The following DCHS2 variants were observed in gnomAD, a reference collection of about 807,000 sequenced individuals.
The protein encoded by DCHS2 is dachsous cadherin-related 2, also known as protocadherin-23.
In DCHS2, 142 loss-of-function variants were observed where a neutral mutation model predicts 182.4. That is an observed-to-expected ratio of 0.78 (90% confidence interval 0.68 to 0.89). The LOEUF (loss-of-function observed/expected upper bound fraction) is 0.89, where lower values mean the gene tolerates loss of function less well. Ranked by LOEUF, DCHS2 falls within the 40% of genes least tolerant of loss-of-function variation. The pLI is 0.00. For synonymous variants in DCHS2, 1,740 were observed against 1,663.3 expected (o/e 1.05, Z -1.12); for missense variants, 4,319 against 4,198.6 (o/e 1.03, Z -0.79).
intron 3 of DCHS2, among the ~76,000 whole-genome samples, chr4:154,353,855 T>C (rs1729733475): frequency 6.6e-6 from 1 of 152,230 alleles, no homozygotes; most frequent in Non-Finnish European, 1.5e-5. Context: ...TGGGAAAGGA[T>C]CTAAGAATTG....
chr4:154,454,637 A>G (rs1734687250), intron 1 of DCHS2, among the ~76,000 whole-genome samples: 2 of 151,832 alleles, frequency 1.3e-5, no homozygotes, highest in Admixed American at 6.6e-5. Context: ...GCTGCCTATG[A>G]CCCCCCTCCC....
chr4:154,310,350 C>T (rs970286170), intron 10 of DCHS2, among the ~76,000 whole-genome samples: 1 of 152,018 alleles, frequency 6.6e-6, no homozygotes, highest in Non-Finnish European at 1.5e-5. Flanking sequence ...ATGTGTTAGC[C>T]CATAGAGCTG....
chr4:154,458,872 C>CTCAGGTGCA (rs1353837539), intron 1 of DCHS2, among the ~76,000 whole-genome samples: 1 of 152,072 alleles, frequency 6.6e-6, no homozygotes, highest in African/African-American at 2.4e-5. Flanking sequence ...CACAAATATT[C>CTCAGGTGCA]CACAGATGCA....
chr4:154,348,486 T>A (rs970795519), intron 3 of DCHS2, among the ~76,000 whole-genome samples: 4 of 151,950 alleles, frequency 2.6e-5, no homozygotes, highest in African/African-American at 7.3e-5. Context: ...TTATGTCCAC[T>A]TGGATCCTCA....
At chr4:154,480,335 A>G (rs1735872519) in intron 1 of DCHS2, among the ~76,000 whole-genome samples, 3 of 152,270 alleles carry the variant, frequency 2.0e-5, no homozygotes, top group Admixed American at 1.3e-4. Flanking sequence ...AATGAAGAAC[A>G]AAGGAAATTT....
At chr4:154,256,788 C>T (rs1000173742) in intron 15 of DCHS2, among the ~76,000 whole-genome samples, 1 of 152,060 alleles carries the variant, frequency 6.6e-6, no homozygotes, top group African/African-American at 2.4e-5. Context: ...TAATTTCCTA[C>T]CATCTCAATT....
intron 1 of DCHS2, among the ~76,000 whole-genome samples, chr4:154,479,107 T>C (rs575313827): frequency 2.4e-4 from 37 of 152,192 alleles, no homozygotes; most frequent in African/African-American, 8.7e-4. Flanking sequence ...AAAAGATAGA[T>C]AATATCAGCA....
intron 2 of DCHS2, among the ~76,000 whole-genome samples, chr4:154,377,013 C>G (rs1730932110): frequency 6.6e-6 from 1 of 152,062 alleles, no homozygotes; most frequent in Non-Finnish European, 1.5e-5. Context: ...ATCATTAAAG[C>G]ATTATTGTTA....
chr4:154,249,504 A>G (rs1303763831), intron 16 of DCHS2, among the ~76,000 whole-genome samples: 2 of 152,202 alleles, frequency 1.3e-5, no homozygotes, highest in African/African-American at 4.8e-5. Context: ...TGTGGAAAGC[A>G]GTTTGGAGAT....
intron 3 of DCHS2, among the ~76,000 whole-genome samples, chr4:154,365,358 A>G (rs1288628923): frequency 6.6e-6 from 1 of 152,200 alleles, no homozygotes; most frequent in African/African-American, 2.4e-5. Flanking sequence ...ATGATCATAC[A>G]AATAAGGGGA....
intron 14 of DCHS2, among the ~76,000 whole-genome samples, chr4:154,267,358 T>C (rs1049318440): frequency 1.3e-5 from 2 of 152,214 alleles, no homozygotes; most frequent in African/African-American, 4.8e-5. Flanking sequence ...ATTTTCATTT[T>C]CATAGCAAGA....
chr4:154,274,282 C>T (rs533898884), intron 13 of DCHS2, among the ~76,000 whole-genome samples: 2 of 152,178 alleles, frequency 1.3e-5, no homozygotes, highest in East Asian at 1.9e-4. Context: ...GGGGAAAAAC[C>T]CCACTATATT....
intron 3 of DCHS2, among the ~76,000 whole-genome samples, chr4:154,342,991 G>A (rs558469650): frequency 6.6e-6 from 1 of 152,306 alleles, no homozygotes; most frequent in East Asian, 1.9e-4. Context: ...ATGGATTGCA[G>A]AATGAATCTT....
chr4:154,468,171 G>T (rs1037523976), intron 1 of DCHS2, among the ~76,000 whole-genome samples: 4 of 151,976 alleles, frequency 2.6e-5, no homozygotes, highest in Non-Finnish European at 4.4e-5. Context: ...TGACTAGAGA[G>T]TTTTATTGCA....
At chr4:154,376,812 C>T (rs146522866) in intron 2 of DCHS2, among the ~76,000 whole-genome samples, 28 of 152,198 alleles carry the variant, frequency 1.8e-4, no homozygotes, top group Non-Finnish European at 2.8e-4. Context: ...GAAAATCTAC[C>T]GGACAAATGA....
chr4:154,357,684 C>T, intron 3 of DCHS2, among the ~76,000 whole-genome samples: 1 of 152,150 alleles, frequency 6.6e-6, no homozygotes, highest in East Asian at 1.9e-4. Flanking sequence ...TACCTACAAA[C>T]TGTCTTGGTA....
intron 13 of DCHS2, among the ~76,000 whole-genome samples, chr4:154,279,101 T>C (rs1276374651): frequency 1.3e-5 from 2 of 152,116 alleles, no homozygotes; most frequent in African/African-American, 2.4e-5. Flanking sequence ...ATTGATAATA[T>C]AGAATGTGTT....
At chr4:154,292,088 C>A (rs1734694032) in intron 13 of DCHS2, among the ~76,000 whole-genome samples, 1 of 151,998 alleles carries the variant, frequency 6.6e-6, no homozygotes, top group Admixed American at 6.6e-5. Flanking sequence ...CTACTACATA[C>A]CTGCATAAAT....
At chr4:154,293,305 C>A (rs28663467) in intron 13 of DCHS2, among the ~76,000 whole-genome samples, 11,697 of 151,886 alleles carry the variant, frequency 0.077, 1,139 homozygotes, top group African/African-American at 0.23. Context: ...CAGGTTCAAG[C>A]GATTCTCCCG....
Sources: allele counts gnomAD v4.1 joint callset (sites outside exome capture counted in the v4.1 genomes callset), GRCh38; gene constraint gnomAD v4.1.1; transcripts MANE v1.5; gene names NCBI Gene and HGNC (gene_info 2026-07-23, HGNC 2026-07-21).